AFF4: variants seen among roughly 807,000 people sequenced by gnomAD.
The protein encoded by AFF4 is AF4/FMR2 family member 4.
A neutral mutation model predicts 124.8 loss-of-function variants in AFF4; 13 were observed. The ratio of observed to expected loss-of-function variants is 0.10; its 90% CI spans 0.07 to 0.17. AFF4 has a LOEUF of 0.17. Among genes scored for constraint, AFF4 ranks in the 10% least tolerant of loss-of-function variants. The probability of loss-of-function intolerance (pLI) is 1.00; values close to 1 mark genes in which losing one functional copy is unlikely to be tolerated. For synonymous variants in AFF4, 477 were observed against 496.1 expected, an observed-to-expected ratio of 0.96 and a Z score of 0.51; for missense variants, 1,092 against 1,403.8, an observed-to-expected ratio of 0.78 and a Z score of 3.55.
chr5:132,917,306 C>A (rs1238174193), intron 5 of AFF4, among the ~76,000 whole-genome samples: 1 of 152,128 alleles, frequency 6.6e-6, no homozygotes, highest in Admixed American at 6.6e-5. Flanking sequence ...AAATATTCAA[C>A]AAAATTCAAA....
intron 8 of AFF4, 94 bp downstream of exon 8, chr5:132,899,488 CTTATT>C: frequency 9.2e-7 from 1 of 1,091,834 alleles, no homozygotes; most frequent in Non-Finnish European, 1.3e-6. Context: ...TTATAAGAAA[CTTATT>C]TTAAGTAATA....
intron 1 of AFF4, among the ~76,000 whole-genome samples, chr5:132,960,422 T>C (rs191286928): frequency 3.8e-4 from 58 of 152,332 alleles, no homozygotes; most frequent in African/African-American, 1.3e-3. Context: ...TTTGATTTTA[T>C]TAAAAATACC....
At chr5:132,911,983 TA>T (rs1244060207) in intron 5 of AFF4, among the ~76,000 whole-genome samples, 2 of 151,688 alleles carry the variant, frequency 1.3e-5, no homozygotes, top group Non-Finnish European at 2.9e-5. Context: ...AAAAACACTT[TA>T]AAAATAAAAA....
At chr5:132,899,270 T>A in intron 8 of AFF4, 129 bp from the exon 9 acceptor site, 1 of 838,948 alleles carries the variant, frequency 1.2e-6, no homozygotes, top group Non-Finnish European at 1.9e-6. Flanking sequence ...ATTTAGCACT[T>A]ATACTGTTTT....
At chr5:132,955,150 G>A (rs1048380915) in intron 1 of AFF4, among the ~76,000 whole-genome samples, 2 of 152,184 alleles carry the variant, frequency 1.3e-5, no homozygotes, top group Admixed American at 6.5e-5. Flanking sequence ...GTGTCCAGCT[G>A]CTGCTTCTCC....
Position 132,902,382 on chromosome 5 carries a change from T to C in AFF4, c.1133+60A>G, listed in dbSNP as rs192147104. ...CTAAATACTGTTCAAAATACCTAGA[T>C]ATTACAGGTAACTTTTAGCAAAAAT... On this transcript the variant is annotated intron_variant, in intron 7 of 20. Coordinates refer to ENST00000265343, the MANE Select transcript of AFF4 (RefSeq NM_014423.4). 5.1e-4 allele frequency: 671 copies of C among 1,325,332 alleles called. 6 individuals carry two copies. In the South Asian group the frequency reaches 6.6e-3, roughly 13 times the overall value. 82.1% of individuals were successfully genotyped at this position (1,325,332 alleles called of 1,614,324 possible).
intron 1 of AFF4, 73 bp from the exon 2 acceptor site, chr5:132,937,266 A>T (rs1761454206): frequency 2.1e-6 from 3 of 1,449,750 alleles, no homozygotes; most frequent in South Asian, 2.9e-5. Context: ...AGATTTTGTC[A>T]GCTTAACACT....
chr5:132,931,976 A>C (rs1021730979), intron 4 of AFF4, among the ~76,000 whole-genome samples: 20 of 152,126 alleles, frequency 1.3e-4, no homozygotes, highest in African/African-American at 4.8e-4. Context: ...ACAAAAAAAA[A>C]CACAAAGAAC....
intron 20 of AFF4, 149 bp downstream of exon 20, chr5:132,883,191 A>T: frequency 1.3e-6 from 1 of 762,154 alleles, no homozygotes; most frequent in Non-Finnish European, 2.0e-6. Flanking sequence ...TTTATTGTTT[A>T]ACTGCTAAGC....
chr5:132,938,106 T>C (rs1037509153), intron 1 of AFF4, among the ~76,000 whole-genome samples: 6 of 150,734 alleles, frequency 4.0e-5, no homozygotes, highest in Non-Finnish European at 5.9e-5. Context: ...CTGGTTTTGT[T>C]TTTTTTTTTA....
In AFF4 at chr5:132,936,266, C is replaced by CAAAAA. The variant is rs747936348; in HGVS notation, c.123+796_123+800dup. ...TGGGCGACAGAGCAAGACTCCGTCT[C>CAAAAA]AAAAAAAAAAAAAAAAAAAAAAAAA... On this transcript the variant is annotated intron_variant, in intron 2 of 20. Coordinates refer to ENST00000265343, the MANE Select transcript of AFF4 (RefSeq NM_014423.4). Among the ~76,000 whole-genome samples, 65 of 45,440 alleles carry CAAAAA rather than the reference C, an allele frequency of 1.4e-3. 2 individuals carry two copies. Among genetic ancestry groups the CAAAAA allele is most frequent in the South Asian group, 2.0e-3 (2 of 982 alleles). 29.8% of individuals were successfully genotyped at this position (45,440 alleles called of 152,430 possible).
chr5:132,944,440 G>GT (rs1447728076), intron 1 of AFF4, among the ~76,000 whole-genome samples: 1 of 152,132 alleles, frequency 6.6e-6, no homozygotes, highest in Non-Finnish European at 1.5e-5. Flanking sequence ...AAGCTCAGGA[G>GT]TTTGAGACCA....
chr5:132,953,022 T>C (rs1045154299), intron 1 of AFF4, among the ~76,000 whole-genome samples: 1 of 152,148 alleles, frequency 6.6e-6, no homozygotes, highest in Non-Finnish European at 1.5e-5. Flanking sequence ...ACAATGCCCT[T>C]TGGCTATCTA....
chr5:132,890,091 G>A (rs779343316), intron 13 of AFF4, among the ~76,000 whole-genome samples: 3 of 151,358 alleles, frequency 2.0e-5, no homozygotes, highest in Non-Finnish European at 2.9e-5. Flanking sequence ...AGGAATGCAT[G>A]GATGTTTCAA....
At chr5:132,898,156 G>T (rs757085348) in intron 10 of AFF4, 74 bp downstream of exon 10, 90 of 1,523,834 alleles carry the variant, frequency 5.9e-5, no homozygotes, top group Non-Finnish European at 7.8e-5. Context: ...TTTATATTTG[G>T]ATCAGGTTTT....
At chr5:132,941,710 G>C (rs79146211) in intron 1 of AFF4, among the ~76,000 whole-genome samples, 1 of 151,242 alleles carries the variant, frequency 6.6e-6, no homozygotes, top group African/African-American at 2.4e-5. Flanking sequence ...TTTTTCGCAC[G>C]CACAAGCAAG....
At chr5:132,894,377 CA>C (rs1760336194) in intron 11 of AFF4, among the ~76,000 whole-genome samples, 1 of 152,174 alleles carries the variant, frequency 6.6e-6, no homozygotes, top group Non-Finnish European at 1.5e-5. Flanking sequence ...CCTAGTGACT[CA>C]AAAAACTTTC....
At chr5:132,914,221 C>T (rs1760857920) in intron 5 of AFF4, among the ~76,000 whole-genome samples, 1 of 149,000 alleles carries the variant, frequency 6.7e-6, no homozygotes, top group African/African-American at 2.5e-5. Context: ...GAGCAAGACT[C>T]CATCTAAAAA....
rs1172881579 is a variant in AFF4, at chr5:132,898,301, A to T, written c.1318T>A (p.Ser440Thr). Reference sequence around the variant, plus strand: ...GAACTACTTTCACTCTCTGAGTCAGATCCAGAGCTGCTTTCAGATCCACTG... The same window carrying T: ...GAACTACTTTCACTCTCTGAGTCAGTTCCAGAGCTGCTTTCAGATCCACTG... Reference protein sequence around the residue: ...SHSGSESSSGSDSESESSSSD... With the variant: ...SHSGSESSSGTDSESESSSSD... Residue 440 changes from serine to threonine, a missense_variant, in exon 10 of 21, where the codon TCT becomes ACT. Around this residue, in one of 11 missense-constraint regions of AFF4, gnomAD observed 9 missense variants for 33.7 expected, o/e 0.27. Transcript: ENST00000265343. 1.2e-6 allele frequency: 2 copies of T among 1,614,062 alleles called. No homozygotes were observed. The highest frequency in any genetic ancestry group is 2.7e-5 in the African/African-American group (2 of 74,920).
Sources: gnomAD v4.1 joint callset for allele counts (sites outside exome capture counted in the v4.1 genomes callset) on GRCh38, gnomAD v4.1.1 for gene constraint, gnomAD v4.1.1 regional missense constraint, MANE v1.5 for transcripts, NCBI Gene and HGNC (gene_info 2026-07-23, HGNC 2026-07-21) for gene names.